Variants in ZSCAN5A observed in about 807,000 individuals in gnomAD.
ZSCAN5A encodes the protein zinc finger and SCAN domain-containing protein 5A.
Under a neutral mutation model 23.7 loss-of-function variants are expected in ZSCAN5A, and 12 were observed. The observed-to-expected ratio is 0.51, with a 90% CI of 0.32 to 0.82. The LOEUF (loss-of-function observed/expected upper bound fraction) is 0.82. Ranked by LOEUF, ZSCAN5A falls within the 40% of genes least tolerant of loss-of-function variation. The pLI, the probability that ZSCAN5A is intolerant of heterozygous loss-of-function variation, is 0.03. For missense variants in ZSCAN5A, 597 were observed against 617.9 expected, an observed-to-expected ratio of 0.97 and a Z score of 0.36; for synonymous variants, 257 against 239.9, an observed-to-expected ratio of 1.07 and a Z score of -0.66.
At chr19:56,292,593 A>G (rs535780692) in intron 2 of ZSCAN5A, among the ~76,000 whole-genome samples, 1 of 151,436 alleles carries the variant, frequency 6.6e-6, no homozygotes, top group Non-Finnish European at 1.5e-5. Flanking sequence ...CACCTTAACC[A>G]CTTTAAAGTG....
intron 2 of ZSCAN5A, among the ~76,000 whole-genome samples, chr19:56,259,190 C>A (rs2036944060): frequency 1.3e-5 from 2 of 152,004 alleles, no homozygotes. Flanking sequence ...TTGTGTCTTC[C>A]CACCCTGTAC....
intron 2 of ZSCAN5A, among the ~76,000 whole-genome samples, chr19:56,242,438 A>T (rs937539074): frequency 6.6e-6 from 1 of 151,998 alleles, no homozygotes; most frequent in African/African-American, 2.4e-5. Flanking sequence ...ACTGCTTGTG[A>T]GATGTGTGGT....
In ZSCAN5A at chr19:56,221,911, T is replaced by A; in HGVS notation, c.1155A>T (p.Gln385His). Residue 385 changes from glutamine to histidine, a missense_variant, in exon 6 of 6, where the codon CAA becomes CAT. Gln to His is a conservative substitution (Grantham distance 24). This residue lies in a region of ZSCAN5A where 406 missense variants were observed against 353.2 expected (regional missense o/e 1.15). Transcript: ENST00000683990. The stretch of plus-strand genomic sequence containing the variant: ...TGAAGCGCTTCCCACAGAGATTACA[T>A]TGAAAGAGTCTCTCGCCTGTGTGTG... ...KRSHTGERLF[Q>H]CNLCGKRFMQ... 1.2e-6 allele frequency: 2 copies of A among 1,614,198 alleles called. No homozygotes were observed. Among genetic ancestry groups the A allele is most frequent in the Middle Eastern group, 3.3e-4 (2 of 6,062 alleles).
intron 2 of ZSCAN5A, among the ~76,000 whole-genome samples, chr19:56,289,385 T>C (rs2039360112): frequency 6.6e-6 from 1 of 152,062 alleles, no homozygotes; most frequent in South Asian, 2.1e-4. Context: ...GCCAGGCCCT[T>C]TACAGAGGGG....
chr19:56,346,739 C>T (rs901558875), intron 2 of ZSCAN5A, among the ~76,000 whole-genome samples: 1 of 151,624 alleles, frequency 6.6e-6, no homozygotes, highest in East Asian at 1.9e-4. Flanking sequence ...GACGGAGTCT[C>T]GCTCTGTCGC....
At chr19:56,355,368 G>A (rs2041694867) in intron 2 of ZSCAN5A, among the ~76,000 whole-genome samples, 1 of 148,746 alleles carries the variant, frequency 6.7e-6, no homozygotes, top group Admixed American at 6.6e-5. Context: ...GTGTCACAAT[G>A]TATTAATACT....
intron 2 of ZSCAN5A, among the ~76,000 whole-genome samples, chr19:56,255,158 C>G (rs1473235466): frequency 3.3e-5 from 5 of 152,070 alleles, no homozygotes; most frequent in Non-Finnish European, 1.5e-5. Flanking sequence ...CACAGGCTTT[C>G]TGCATTTTTA....
intron 2 of ZSCAN5A, among the ~76,000 whole-genome samples, chr19:56,280,951 A>G (rs2038649763): frequency 6.6e-6 from 1 of 152,118 alleles, no homozygotes; most frequent in African/African-American, 2.4e-5. Flanking sequence ...AGGGGCACCA[A>G]CCTCCAGTGC....
At position 56,353,590 on chromosome 19, in the gene ZSCAN5A, AC is replaced by A. The variant is rs1393804641; in HGVS notation, c.-358+9644del. On this transcript the variant is annotated intron_variant, in intron 2 of 6. Transcript: ENST00000587340. ...CAGGAGATCGAGACCATCCTGGCTA[AC>A]GGCGGTGAAACCCCGTCTCTACTAA... Among the ~76,000 whole-genome samples the A allele has an allele frequency of 1.1e-4, 17 of 152,018 alleles. No homozygotes were observed. In the East Asian group the frequency reaches 1.2e-3, roughly 10 times the overall value.
intron 2 of ZSCAN5A, among the ~76,000 whole-genome samples, chr19:56,250,021 C>T (rs117929291): frequency 0.018 from 2,792 of 152,232 alleles, 41 homozygotes; most frequent in Middle Eastern, 0.034. Flanking sequence ...TGTGACACCT[C>T]GGTTCTTGTC....
intron 2 of ZSCAN5A, among the ~76,000 whole-genome samples, chr19:56,289,848 A>G (rs991558087): frequency 6.6e-6 from 1 of 152,148 alleles, no homozygotes; most frequent in African/African-American, 2.4e-5. Flanking sequence ...TCTTGGGCTC[A>G]AGCAATCTTC....
chr19:56,328,836 A>C (rs982588346), intron 2 of ZSCAN5A, among the ~76,000 whole-genome samples: 9 of 149,892 alleles, frequency 6.0e-5, no homozygotes, highest in African/African-American at 1.7e-4. Flanking sequence ...AAAAATACAA[A>C]AAAAAAAAAT....
chr19:56,243,208 G>T (rs1056129314), intron 2 of ZSCAN5A, among the ~76,000 whole-genome samples: 6 of 151,880 alleles, frequency 4.0e-5, no homozygotes, highest in Non-Finnish European at 8.8e-5. Context: ...TGATTGGCAG[G>T]GGCTGGGGTG....
chr19:56,243,819 G>A (rs968127694), intron 2 of ZSCAN5A, among the ~76,000 whole-genome samples: 6 of 151,710 alleles, frequency 4.0e-5, no homozygotes, highest in South Asian at 2.1e-4. Flanking sequence ...TGCTGAATTC[G>A]ATGCTGCTGA....
At chr19:56,366,210 G>A (rs897259714) in intron 1 of ZSCAN5A, among the ~76,000 whole-genome samples, 1 of 152,030 alleles carries the variant, frequency 6.6e-6, no homozygotes, top group East Asian at 1.9e-4. Context: ...TTGGGAGGCC[G>A]AGGCGGGCGG....
At chr19:56,265,070 T>C (rs979342994) in intron 2 of ZSCAN5A, among the ~76,000 whole-genome samples, 6 of 152,020 alleles carry the variant, frequency 3.9e-5, no homozygotes, top group Middle Eastern at 3.4e-3. Flanking sequence ...TGCAGTGAGC[T>C]GAGATCACAC....
intron 2 of ZSCAN5A, among the ~76,000 whole-genome samples, chr19:56,357,337 C>T (rs2041705885): frequency 6.7e-6 from 1 of 148,380 alleles, no homozygotes; most frequent in Admixed American, 6.6e-5. Context: ...GTACAGAGAC[C>T]CCTGACACAG....
intron 5 of ZSCAN5A, 87 bp downstream of exon 5, chr19:56,222,504 C>A: frequency 1.3e-6 from 2 of 1,564,344 alleles, no homozygotes; most frequent in South Asian, 1.2e-5. Context: ...AGTGCCAACT[C>A]CCCCAGGGGA....
At position 56,223,645 on chromosome 19, in the gene ZSCAN5A, A is replaced by G. The variant is rs143076677; in HGVS notation, c.574T>C (p.Leu192=). 3.4e-5 allele frequency: 55 copies of G among 1,612,614 alleles called. 1 individual carries two copies. The African/African-American group carries it at 4.6e-4, about 13-fold the overall frequency. The stretch of plus-strand genomic sequence containing the variant: ...CACACACTCACCTGCCTCCTGGACA[A>G]TGCAGGGACCCTGGGCAGGATCTGC... ...ELQILPRVPA[L]SRRQGEDFLL... Residue 192 remains leucine (L), a synonymous_variant, in exon 4 of 6, where the codon TTG becomes CTG. Coordinates refer to ENST00000683990, the MANE Select transcript of ZSCAN5A (RefSeq NM_001322064.3).
Sources: gnomAD v4.1 joint callset for allele counts (sites outside exome capture counted in the v4.1 genomes callset) on GRCh38, gnomAD v4.1.1 for gene constraint, gnomAD v4.1.1 regional missense constraint, MANE v1.5 for transcripts, NCBI Gene and HGNC (gene_info 2026-07-23, HGNC 2026-07-21) for gene names.